ARSG: variants seen among roughly 807,000 people sequenced by gnomAD.
The protein encoded by ARSG is arylsulfatase G, also known as ASG.
ARSG carries 37 observed loss-of-function variants against 50.5 expected under a neutral mutation model. The observed-to-expected ratio is 0.73, with a 90% CI of 0.56 to 0.96. The LOEUF (loss-of-function observed/expected upper bound fraction) is 0.96. Among genes scored for constraint, ARSG ranks in the 50% least tolerant of loss-of-function variants. ARSG has a pLI of 0.00. For missense variants in ARSG, 629 were observed against 675.3 expected, an observed-to-expected ratio of 0.93 and a Z score of 0.76; for synonymous variants, 225 against 254.6, an observed-to-expected ratio of 0.88 and a Z score of 1.11.
intron 11 of ARSG, among the ~76,000 whole-genome samples, chr17:68,413,016 A>C (rs954276521): frequency 2.6e-5 from 4 of 150,978 alleles, no homozygotes; most frequent in Non-Finnish European, 5.9e-5. Context: ...CTAGTTATAC[A>C]TTCTTCTAAA....
intron 4 of ARSG, among the ~76,000 whole-genome samples, chr17:68,349,573 A>G (rs2078663485): frequency 2.0e-5 from 3 of 152,062 alleles, no homozygotes; most frequent in African/African-American, 7.2e-5. Context: ...TAGCATGAAG[A>G]TATCAATTTT....
At chr17:68,305,806 G>A (rs1326839729) in intron 1 of ARSG, among the ~76,000 whole-genome samples, 1 of 151,954 alleles carries the variant, frequency 6.6e-6, no homozygotes, top group African/African-American at 2.4e-5. Flanking sequence ...GGGTGTGGTG[G>A]CTCACACCTG....
chr17:68,342,231 A>G (rs2078300607), intron 2 of ARSG, among the ~76,000 whole-genome samples: 1 of 152,052 alleles, frequency 6.6e-6, no homozygotes, highest in Admixed American at 6.6e-5. Context: ...TTAGCTTCCT[A>G]TGGGCATCTG....
chr17:68,264,139 G>A (rs549487541), intron 1 of ARSG, among the ~76,000 whole-genome samples: 1 of 152,300 alleles, frequency 6.6e-6, no homozygotes, highest in East Asian at 1.9e-4. Context: ...TGGGATTACA[G>A]GTGTGCGCCA....
chr17:68,383,495 A>G (rs1455543533), intron 8 of ARSG, among the ~76,000 whole-genome samples: 1 of 152,202 alleles, frequency 6.6e-6, no homozygotes, highest in Non-Finnish European at 1.5e-5. Context: ...AGTGTACACC[A>G]TGGACATGCA....
At chr17:68,402,844 A>C (rs1012816186) in intron 11 of ARSG, among the ~76,000 whole-genome samples, 1 of 152,142 alleles carries the variant, frequency 6.6e-6, no homozygotes, top group African/African-American at 2.4e-5. Flanking sequence ...ACTAGTTTTA[A>C]GCTTTCTAAA....
intron 3 of ARSG, 45 bp from the exon 4 acceptor site, chr17:68,347,080 C>T: frequency 6.2e-7 from 1 of 1,605,584 alleles, no homozygotes; most frequent in Non-Finnish European, 8.5e-7. Context: ...GCTGTGGTAC[C>T]CCTATGGGGA....
At chr17:68,393,654 G>A (rs1421374670) in intron 9 of ARSG, among the ~76,000 whole-genome samples, 1 of 152,046 alleles carries the variant, frequency 6.6e-6, no homozygotes, top group Middle Eastern at 3.2e-3. Flanking sequence ...ATCACTTGAG[G>A]TCAGGAGTTT....
chr17:68,348,911 C>T (rs1246666137), intron 4 of ARSG, among the ~76,000 whole-genome samples: 2 of 152,202 alleles, frequency 1.3e-5, no homozygotes, highest in African/African-American at 4.8e-5. Context: ...CTTTCTAACA[C>T]TGGGGTATGA....
In ARSG at chr17:68,331,177, G is replaced by GTTTCTTTCTTTC. The variant is rs71142163; in HGVS notation, c.219-12383_219-12372dup. 2.5e-3 allele frequency among the ~76,000 whole-genome samples: 301 copies of GTTTCTTTCTTTC among 118,990 alleles called. 2 individuals carry two copies. The highest frequency in any genetic ancestry group is 5.8e-3 in the African/African-American group (181 of 31,146). 78.1% of individuals were successfully genotyped at this position (118,990 alleles called of 152,430 possible). A position where few individuals can be genotyped will look rare whatever the true frequency, so the allele number is the denominator to read the frequency against. On this transcript the variant is annotated intron_variant, in intron 2 of 11. Transcript: ENST00000621439. ...TTTTTTGTATTTTAGCAAAGACAGG[G>GTTTCTTTCTTTC]TTTCTTTCTTTCTTTCTTTCTTTCT...
At chr17:68,285,704 G>A (rs2075825465) in intron 1 of ARSG, 1 of 152,106 alleles carries the variant, frequency 6.6e-6, no homozygotes, top group Non-Finnish European at 1.5e-5. Flanking sequence ...CTGGGCTCAA[G>A]TGACCCTACT....
intron 1 of ARSG, among the ~76,000 whole-genome samples, chr17:68,296,551 G>A (rs1224962827): frequency 1.3e-5 from 2 of 152,062 alleles, no homozygotes; most frequent in South Asian, 2.1e-4. Flanking sequence ...GAGGGGCCCC[G>A]CCCTGCTGTG....
At chr17:68,315,629 A>T (rs561456394) in intron 2 of ARSG, among the ~76,000 whole-genome samples, 2 of 151,336 alleles carry the variant, frequency 1.3e-5, no homozygotes, top group East Asian at 3.9e-4. Flanking sequence ...GAGAAATGGG[A>T]TTGTATTTAG....
intron 11 of ARSG, among the ~76,000 whole-genome samples, chr17:68,401,815 C>G (rs138521355): frequency 1.3e-5 from 2 of 152,112 alleles, no homozygotes; most frequent in Non-Finnish European, 2.9e-5. Context: ...GACAATAGAC[C>G]GTTTCAGAAA....
chr17:68,345,209 C>G (rs145766389), intron 3 of ARSG, among the ~76,000 whole-genome samples: 1 of 152,220 alleles, frequency 6.6e-6, no homozygotes, highest in Non-Finnish European at 1.5e-5. Context: ...AAGTGGCTCA[C>G]GCCTGTAATC....
At chr17:68,272,820 G>A in intron 1 of ARSG, 1 of 1,599,346 alleles carries the variant, frequency 6.3e-7, no homozygotes, top group Non-Finnish European at 8.5e-7. Context: ...GCTTGAGACT[G>A]GAAGGATGCA....
chr17:68,408,638 G>A (rs904404567), intron 11 of ARSG, among the ~76,000 whole-genome samples: 27 of 152,030 alleles, frequency 1.8e-4, no homozygotes, highest in African/African-American at 5.8e-4. Flanking sequence ...GGGTATATAC[G>A]CAGTAATGGG....
intron 2 of ARSG, among the ~76,000 whole-genome samples, chr17:68,341,246 G>C (rs974980788): frequency 6.6e-6 from 1 of 151,942 alleles, no homozygotes; most frequent in Admixed American, 6.6e-5. Context: ...TTGTTTCAGC[G>C]TTTTTTGTTT....
At chr17:68,337,159 A>C (rs528064265) in intron 2 of ARSG, among the ~76,000 whole-genome samples, 3 of 152,260 alleles carry the variant, frequency 2.0e-5, no homozygotes, top group African/African-American at 7.2e-5. Flanking sequence ...CCCAGATGGC[A>C]GATGGGAGCA....
Sources: gnomAD v4.1 joint callset for allele counts (sites outside exome capture counted in the v4.1 genomes callset) on GRCh38, gnomAD v4.1.1 for gene constraint, MANE v1.5 for transcripts, NCBI Gene and HGNC (gene_info 2026-07-23, HGNC 2026-07-21) for gene names.